Variants in NT5DC3 observed in about 807,000 individuals in gnomAD.
NT5DC3 encodes the protein 5'-nucleotidase domain-containing protein 3.
Under a neutral mutation model 67.8 loss-of-function variants are expected in NT5DC3, and 42 were observed. The ratio of observed to expected loss-of-function variants is 0.62; its 90% confidence interval spans 0.48 to 0.80. The LOEUF (loss-of-function observed/expected upper bound fraction) is 0.80, where lower values mean the gene tolerates loss of function less well. Ranked by LOEUF, NT5DC3 falls within the 30% of genes least tolerant of loss-of-function variation. The pLI, the probability that NT5DC3 is intolerant of heterozygous loss-of-function variation, is 0.00. For synonymous variants in NT5DC3, 237 were observed against 255.6 expected (o/e 0.93, Z 0.69); for missense variants, 570 against 696.4 (o/e 0.82, Z 2.04).
chr12:103,790,090 T>A (rs1277605612), intron 9 of NT5DC3, among the ~76,000 whole-genome samples: 1 of 152,132 alleles, frequency 6.6e-6, no homozygotes, highest in Non-Finnish European at 1.5e-5. Flanking sequence ...ACATCATCTT[T>A]TTTTTTTCCC....
the NT5DC3 span, among the ~76,000 whole-genome samples, chr12:103,759,740 G>A: frequency 6.6e-6 from 1 of 151,918 alleles, no homozygotes; most frequent in African/African-American, 2.4e-5. Context: ...TCATGATTGT[G>A]ATACAAGGGA....
the NT5DC3 span, chr12:103,753,231 G>A: frequency 6.2e-7 from 1 of 1,614,146 alleles, no homozygotes; most frequent in Non-Finnish European, 8.5e-7. Flanking sequence ...TACCACTGTT[G>A]GGGTGTTCCA....
chr12:103,796,789 G>A (rs1235487953), intron 6 of NT5DC3, 105 bp downstream of exon 6: 1 of 1,137,772 alleles, frequency 8.8e-7, no homozygotes, highest in Non-Finnish European at 1.3e-6. Flanking sequence ...CCAGCTAAGA[G>A]ACTATTTAAA....
intron 12 of NT5DC3, among the ~76,000 whole-genome samples, chr12:103,783,995 C>T (rs116516318): frequency 0.11 from 17,058 of 152,110 alleles, 1,423 homozygotes; most frequent in East Asian, 0.45. Context: ...GGTTCAAGCC[C>T]TGCCCTGCCA....
intron 1 of NT5DC3, among the ~76,000 whole-genome samples, chr12:103,832,438 A>C (rs373211053): frequency 8.5e-5 from 13 of 152,234 alleles, no homozygotes; most frequent in East Asian, 7.7e-4. Context: ...CGATGTGCCT[A>C]TCAGTTTGAG....
intron 6 of NT5DC3, among the ~76,000 whole-genome samples, chr12:103,794,610 G>C (rs7312825): frequency 0.37 from 55,753 of 151,910 alleles, 11,276 homozygotes; most frequent in East Asian, 0.88. Context: ...TTTATATCCA[G>C]TACTGTGAAC....
At position 103,774,932 on chromosome 12, in the gene NT5DC3, C is replaced by A. The variant is rs1178686880; in HGVS notation, c.*2897G>T. On this transcript the variant is annotated 3_prime_UTR_variant, in exon 14 of 14. Coordinates refer to ENST00000392876, the MANE Select transcript of NT5DC3 (RefSeq NM_001031701.3). ...GGCTGAGGCACGAAAATTGCTTGAACCTGGGAGGCAAGAGGTTGCAGTGAG... is the reference window on the plus strand; with the variant it reads ...GGCTGAGGCACGAAAATTGCTTGAAACTGGGAGGCAAGAGGTTGCAGTGAG... 6.6e-6 allele frequency: 1 copy of A among 151,578 alleles called. No individual in the cohort carries two copies. Among genetic ancestry groups the A allele is most frequent in the African/African-American group, 2.4e-5 (1 of 41,202 alleles). 9.4% of individuals were successfully genotyped at this position (151,578 alleles called of 1,614,324 possible).
chr12:103,789,121 C>T (rs746161644), intron 9 of NT5DC3: 13 of 517,808 alleles, frequency 2.5e-5, no homozygotes, highest in South Asian at 6.0e-5. Flanking sequence ...AGGTGTTCCA[C>T]GAAAAAAAAG....
At chr12:103,750,436 A>T in the NT5DC3 span, 1 of 949,208 alleles carries the variant, frequency 1.1e-6, no homozygotes, top group Non-Finnish European at 1.6e-6. Flanking sequence ...AGGACGTAGC[A>T]GTTATTCCCA....
At chr12:103,801,372 C>CCTTTTTTTTTTT (rs1886567309) in intron 4 of NT5DC3, among the ~76,000 whole-genome samples, 40 of 78,940 alleles carry the variant, frequency 5.1e-4, no homozygotes, top group African/African-American at 2.1e-3. Flanking sequence ...TTGGGGTGGG[C>CCTTTTTTTTTTT]TTTTTTTTTT....
the NT5DC3 span, among the ~76,000 whole-genome samples, chr12:103,760,668 C>T: frequency 6.6e-6 from 1 of 152,192 alleles, no homozygotes; most frequent in East Asian, 1.9e-4. Context: ...GTGGTGATAA[C>T]CATGATGTCG....
At chr12:103,839,647 ATTCCT>A (rs566332056) in intron 1 of NT5DC3, among the ~76,000 whole-genome samples, 2 of 152,194 alleles carry the variant, frequency 1.3e-5, no homozygotes, top group Admixed American at 6.5e-5. Context: ...AATCTTCTAT[ATTCCT>A]TTCATCTCTT....
At position 103,775,161 on chromosome 12, in the gene NT5DC3, A is replaced by G. The variant is rs1331584524; in HGVS notation, c.*2668T>C. ...CGTTACCGCCACGACATGGGTCTAC[A>G]GTCTGCAAGGTACACAGTCAGTGAG... On this transcript the variant is annotated 3_prime_UTR_variant, in exon 14 of 14. Coordinates refer to ENST00000392876, the MANE Select transcript of NT5DC3 (RefSeq NM_001031701.3). 1 of 152,240 alleles carries G rather than the reference A, an allele frequency of 6.6e-6. No homozygotes were observed. Among genetic ancestry groups the G allele is most frequent in the African/African-American group, 2.4e-5 (1 of 41,452 alleles). The allele number at this position is 152,240 out of a possible 1,614,324, so 9.4% of individuals were successfully genotyped here. A position where few individuals can be genotyped will look rare whatever the true frequency, so the allele number is the denominator to read the frequency against.
chr12:103,749,263 A>AT, the NT5DC3 span: 2 of 1,225,114 alleles, frequency 1.6e-6, no homozygotes, highest in East Asian at 5.2e-5. Context: ...CTTCCTAAAC[A>AT]TTTTTTCTAG....
At chr12:103,755,611 G>C in the NT5DC3 span, 1 of 1,614,098 alleles carries the variant, frequency 6.2e-7, no homozygotes, top group Non-Finnish European at 8.5e-7. Flanking sequence ...CTGCCCTCCA[G>C]ATGTGAACTG....
chr12:103,760,545 G>C, the NT5DC3 span, among the ~76,000 whole-genome samples: 2 of 152,158 alleles, frequency 1.3e-5, no homozygotes, highest in African/African-American at 2.4e-5. Context: ...ACAGGGGTGA[G>C]CTACCATGCC....
At chr12:103,831,672 A>G (rs1887932565) in intron 1 of NT5DC3, among the ~76,000 whole-genome samples, 1 of 151,620 alleles carries the variant, frequency 6.6e-6, no homozygotes, top group African/African-American at 2.4e-5. Flanking sequence ...CCCAATGCCT[A>G]GTCTTCCCTC....
intron 12 of NT5DC3, among the ~76,000 whole-genome samples, chr12:103,780,831 C>T (rs565224266): frequency 1.3e-5 from 2 of 151,922 alleles, no homozygotes; most frequent in African/African-American, 2.4e-5. Flanking sequence ...GTAGAAATGG[C>T]GTATATACCC....
At chr12:103,807,271 G>C (rs978633795) in intron 2 of NT5DC3, among the ~76,000 whole-genome samples, 3 of 152,006 alleles carry the variant, frequency 2.0e-5, no homozygotes, top group Non-Finnish European at 4.4e-5. Context: ...GAACACATCG[G>C]CTTCAATCTC....
Sources: allele counts gnomAD v4.1 joint callset (sites outside exome capture counted in the v4.1 genomes callset), GRCh38; gene constraint gnomAD v4.1.1; transcripts MANE v1.5; gene names NCBI Gene and HGNC (gene_info 2026-07-23, HGNC 2026-07-21).